SLC2A1: variants seen among roughly 807,000 people sequenced by gnomAD.
SLC2A1 encodes solute carrier family 2, facilitated glucose transporter member 1.
A neutral mutation model predicts 46.6 loss-of-function variants in SLC2A1; 4 were observed. That is an observed-to-expected ratio of 0.09 (90% CI 0.04 to 0.20). The LOEUF (loss-of-function observed/expected upper bound fraction) is 0.20, where lower values mean the gene tolerates loss of function less well. Ranked by LOEUF, SLC2A1 falls within the 10% of genes least tolerant of loss-of-function variation. The pLI is 1.00. For synonymous variants in SLC2A1, 253 were observed against 270.0 expected (o/e 0.94, Z 0.62); for missense variants, 352 against 667.0 (o/e 0.53, Z 5.20).
At position 42,929,210 on chromosome 1, in the gene SLC2A1, C is replaced by T. The variant is rs796053254; in HGVS notation, c.972G>A (p.Ser324=). 2.5e-6 allele frequency: 4 copies of T among 1,613,116 alleles called. No individual in the cohort carries two copies. The highest frequency in any genetic ancestry group is 3.4e-6 in the Non-Finnish European group (4 of 1,179,124). Residue 324 remains serine, a splice_region_variant and synonymous_variant, in exon 7 of 10, where the codon TCG becomes TCA. Transcript: ENST00000426263. This position sits in a 1 kb window ranked among gnomAD's most constrained non-coding sequence, Gnocchi z 6.0. ...GGGGGGCCAGTAAGCAAAGACTCACCGACACGACAGTGAAGGCCGTGTTGA... is the reference window on the plus strand; with the variant it reads ...GGGGGGCCAGTAAGCAAAGACTCACTGACACGACAGTGAAGGCCGTGTTGA... ...GIVNTAFTVV[S]LFVVERAGRR...
chr1:42,955,622 A>G (rs1254981337), intron 1 of SLC2A1, among the ~76,000 whole-genome samples: 1 of 152,130 alleles, frequency 6.6e-6, no homozygotes, highest in Non-Finnish European at 1.5e-5. Flanking sequence ...ACAAAAAACT[A>G]TGCTGTCTGC....
Position 42,930,129 on chromosome 1 carries a change from G to C in SLC2A1, c.517-94C>G. ...CCTTCCCTACTTTGTGTCAGCTGCTGCTTCAGGGAAGGGCCCCAGTTCTAG... is the reference window on the plus strand; with the variant it reads ...CCTTCCCTACTTTGTGTCAGCTGCTCCTTCAGGGAAGGGCCCCAGTTCTAG... On this transcript the variant is annotated intron_variant, in intron 4 of 9. Transcript: ENST00000426263. This position sits in a 1 kb window ranked among gnomAD's most constrained non-coding sequence, Gnocchi z 6.2. 1 of 1,424,554 alleles carries C rather than the reference G, an allele frequency of 7.0e-7. No homozygotes were observed. The highest frequency in any genetic ancestry group is 1.4e-5 in the African/African-American group (1 of 70,988). 88.2% of individuals were successfully genotyped at this position (1,424,554 alleles called of 1,614,324 possible). A position where few individuals can be genotyped will look rare whatever the true frequency, so the allele number is the denominator to read the frequency against.
chr1:42,950,343 C>A (rs1056306377), intron 1 of SLC2A1, among the ~76,000 whole-genome samples: 7 of 152,226 alleles, frequency 4.6e-5, no homozygotes, highest in Non-Finnish European at 7.3e-5. Context: ...AAAAGTTGAT[C>A]GGCCTCTGCT....
intron 1 of SLC2A1, chr1:42,951,758 T>C (rs1643723627): frequency 2.5e-6 from 1 of 398,152 alleles, no homozygotes; most frequent in Admixed American, 4.4e-5. Flanking sequence ...CCCCACACAC[T>C]GCCTGCTAGG....
Position 42,930,464 on chromosome 1 carries a change from G to A in SLC2A1, c.516+162C>T. On this transcript the variant is annotated intron_variant, in intron 4 of 9. Transcript: ENST00000426263. This position sits in a 1 kb window ranked among gnomAD's most constrained non-coding sequence, Gnocchi z 6.2. ...AAGTCATCTTGCTGTCAACTGGGAG[G>A]CCATGGTGCTGTGTTCTCTGGACCT... 2.2e-6 allele frequency: 2 copies of A among 927,316 alleles called. No individual in the cohort carries two copies. The highest frequency in any genetic ancestry group is 3.5e-6 in the Non-Finnish European group (2 of 578,048). 57.4% of individuals were successfully genotyped at this position (927,316 alleles called of 1,614,324 possible). A position where few individuals can be genotyped will look rare whatever the true frequency, so the allele number is the denominator to read the frequency against.
At chr1:42,946,785 G>T (rs1041087937) in intron 1 of SLC2A1, among the ~76,000 whole-genome samples, 1 of 152,130 alleles carries the variant, frequency 6.6e-6, no homozygotes, top group Non-Finnish European at 1.5e-5. Flanking sequence ...AAGACACTGC[G>T]ACCAATCTCA....
In SLC2A1 at chr1:42,958,768, G is replaced by T; in HGVS notation, c.-117C>A. ...GTCCGGGGACTCCCACTGCGACTCTGACTCCGACCCCCGTCGTTTGGTCTC... is the reference window on the plus strand; with the variant it reads ...GTCCGGGGACTCCCACTGCGACTCTTACTCCGACCCCCGTCGTTTGGTCTC... On this transcript the variant is annotated 5_prime_UTR_variant, in exon 1 of 10. Coordinates refer to ENST00000426263, the MANE Select transcript of SLC2A1 (RefSeq NM_006516.4). 2 of 1,092,702 alleles carry T rather than the reference G, an allele frequency of 1.8e-6. No homozygotes were observed. Among genetic ancestry groups the T allele is most frequent in the South Asian group, 1.4e-5 (1 of 71,620 alleles). 67.7% of individuals were successfully genotyped at this position (1,092,702 alleles called of 1,614,324 possible).
chr1:42,943,268 C>T lies in SLC2A1; in HGVS notation c.72G>A (p.Leu24=), dbSNP rs1403019780. 3.1e-6 allele frequency: 5 copies of T among 1,613,846 alleles called. No homozygotes were observed. Among genetic ancestry groups the T allele is most frequent in the Non-Finnish European group, 4.2e-6 (5 of 1,179,944 alleles). ...LAVGGAVLGS[L]QFGYNTGVIN... Reference sequence around the variant, plus strand: ...TGACTCCAGTGTTGTAGCCAAACTGCAGGGAGCCAAGCACTGCTCCTCCCA... The same window carrying T: ...TGACTCCAGTGTTGTAGCCAAACTGTAGGGAGCCAAGCACTGCTCCTCCCA... Residue 24 remains leucine, a synonymous_variant, in exon 2 of 10, where the codon CTG becomes CTA. Coordinates refer to ENST00000426263, the MANE Select transcript of SLC2A1 (RefSeq NM_006516.4).
At chr1:42,958,303 G>C (rs1257825981) in intron 1 of SLC2A1, among the ~76,000 whole-genome samples, 1 of 151,242 alleles carries the variant, frequency 6.6e-6, no homozygotes, top group African/African-American at 2.4e-5. Flanking sequence ...GGTCGTGTGC[G>C]ACGTGCCGCT....
chr1:42,940,689 C>A (rs1643588564), intron 2 of SLC2A1, among the ~76,000 whole-genome samples: 1 of 152,082 alleles, frequency 6.6e-6, no homozygotes, highest in Admixed American at 6.5e-5. Context: ...CTCAAGTGAT[C>A]CACCCACCTC....
At chr1:42,942,172 T>C (rs1643605064) in intron 2 of SLC2A1, among the ~76,000 whole-genome samples, 1 of 152,210 alleles carries the variant, frequency 6.6e-6, no homozygotes, top group African/African-American at 2.4e-5. Flanking sequence ...GTACAGATTT[T>C]TAAACGGGCA....
rs1035641018 is a variant in SLC2A1, at chr1:42,925,562, T to C, written c.*1479A>G. On this transcript the variant is annotated 3_prime_UTR_variant, in exon 10 of 10. Coordinates refer to ENST00000426263, the MANE Select transcript of SLC2A1 (RefSeq NM_006516.4). The stretch of plus-strand genomic sequence containing the variant: ...ATGAAGTGCTCTGGAAATTCAGGGG[T>C]GAAGGAGGAGGATGAGCTGTCTTTA... The C allele has an allele frequency of 1.3e-5, 2 of 151,852 alleles. No individual in the cohort carries two copies. Among genetic ancestry groups the C allele is most frequent in the Non-Finnish European group, 2.9e-5 (2 of 67,966 alleles). 9.4% of individuals were successfully genotyped at this position (151,852 alleles called of 1,614,324 possible).
intron 8 of SLC2A1, among the ~76,000 whole-genome samples, chr1:42,928,629 G>T (rs1240665459): frequency 2.0e-5 from 3 of 152,192 alleles, no homozygotes; most frequent in Non-Finnish European, 2.9e-5. Context: ...ATGAATTGAG[G>T]CTACAGATGA....
At chr1:42,931,531 C>T (rs1643489963) in intron 2 of SLC2A1, among the ~76,000 whole-genome samples, 1 of 151,988 alleles carries the variant, frequency 6.6e-6, no homozygotes, top group African/African-American at 2.4e-5. Flanking sequence ...AGGCATAGAA[C>T]AGAGAGGTAC....
At chr1:42,935,758 A>G (rs1444471349) in intron 2 of SLC2A1, among the ~76,000 whole-genome samples, 2 of 152,164 alleles carry the variant, frequency 1.3e-5, no homozygotes, top group Non-Finnish European at 2.9e-5. Flanking sequence ...CAGGGGAAGG[A>G]AGAGCTTTAT....
chr1:42,942,848 A>G (rs984411058), intron 2 of SLC2A1: 4 of 335,318 alleles, frequency 1.2e-5, no homozygotes, highest in African/African-American at 6.4e-5. Flanking sequence ...GCATCAAGTG[A>G]GACAAGCCCA....
At chr1:42,947,119 G>A (rs553053529) in intron 1 of SLC2A1, among the ~76,000 whole-genome samples, 1 of 152,328 alleles carries the variant, frequency 6.6e-6, no homozygotes, top group Admixed American at 6.5e-5. Context: ...CCAGCCAGTG[G>A]CTAGAACTGG....
Position 42,945,147 on chromosome 1 carries a change from G to A in SLC2A1, c.19-1826C>T, listed in dbSNP as rs570311909. Among the ~76,000 whole-genome samples the A allele has an allele frequency of 8.6e-5, 13 of 151,986 alleles. No individual in the cohort carries two copies. In the South Asian group the frequency reaches 1.0e-3, roughly 12 times the overall value. ...GCCACGTGCTGGGCTTTCTGCCTGC[G>A]GTATTACCTGCATTTGCTCATGGGA... is the stretch of plus-strand genomic sequence containing the variant. On this transcript the variant is annotated intron_variant, in intron 1 of 9. Coordinates refer to ENST00000426263, the MANE Select transcript of SLC2A1 (RefSeq NM_006516.4).
rs1643808277 is a variant in SLC2A1 at position 42,958,657 on chromosome 1, C to T, written c.-6G>A. 1 of 1,535,118 alleles carries T rather than the reference C, an allele frequency of 6.5e-7. No homozygotes were observed. ...ACCTTGCTGCTGGGCTCCATGGCAG[C>T]GCTGCGCTGGTGGCTCTGGCTGCGC... On this transcript the variant is annotated 5_prime_UTR_variant, in exon 1 of 10. Transcript: ENST00000426263.
Sources: gnomAD v4.1 joint callset for allele counts (sites outside exome capture counted in the v4.1 genomes callset) on GRCh38, gnomAD v4.1.1 for gene constraint, Gnocchi (gnomAD v3.1) non-coding constraint, MANE v1.5 for transcripts, NCBI Gene and HGNC (gene_info 2026-07-23, HGNC 2026-07-21) for gene names.